Variants in DLC1 observed in about 807,000 individuals in gnomAD.
DLC1 encodes DLC1 Rho GTPase activating protein, also known as rho GTPase-activating protein 7.
Under a neutral mutation model 140.3 loss-of-function variants are expected in DLC1, and 54 were observed. That is an observed-to-expected ratio of 0.38 (90% confidence interval 0.31 to 0.48). The LOEUF (loss-of-function observed/expected upper bound fraction) is 0.48. Ranked by LOEUF, DLC1 falls within the 20% of genes least tolerant of loss-of-function variation. The probability of loss-of-function intolerance (pLI) is 0.96; values close to 1 mark genes in which losing one functional copy is unlikely to be tolerated. For synonymous variants in DLC1, 986 were observed against 728.1 expected (o/e 1.35, Z -5.70); for missense variants, 2,536 against 1,907.0 (o/e 1.33, Z -6.14).
intron 5 of DLC1, among the ~76,000 whole-genome samples, chr8:13,206,036 T>C: frequency 6.6e-6 from 1 of 152,108 alleles, no homozygotes; most frequent in East Asian, 1.9e-4. Context: ...AGAGGAAAAA[T>C]GTGCCTTGAG....
At chr8:13,560,358 C>T (rs1804195993) in intron 1 of DLC1, among the ~76,000 whole-genome samples, 1 of 152,120 alleles carries the variant, frequency 6.6e-6, no homozygotes, top group African/African-American at 2.4e-5. Context: ...GAGATGTGAG[C>T]AGTCACTCTA....
At chr8:13,193,364 C>T (rs1465851843) in intron 5 of DLC1, among the ~76,000 whole-genome samples, 2 of 152,052 alleles carry the variant, frequency 1.3e-5, no homozygotes, top group African/African-American at 4.8e-5. Flanking sequence ...AGAAGAGACC[C>T]ATTTAGGGCT....
intron 1 of DLC1, among the ~76,000 whole-genome samples, chr8:13,500,991 T>C (rs1801785858): frequency 6.6e-6 from 1 of 152,178 alleles, no homozygotes; most frequent in Non-Finnish European, 1.5e-5. Flanking sequence ...CAGACTGAGA[T>C]AGTCAACAAA....
intron 5 of DLC1, among the ~76,000 whole-genome samples, chr8:13,295,993 C>G: frequency 1.0e-5 from 1 of 98,156 alleles, no homozygotes; most frequent in Non-Finnish European, 1.9e-5. Context: ...CATTCTATTG[C>G]CCAGGCTGGA....
intron 4 of DLC1, among the ~76,000 whole-genome samples, chr8:13,335,028 C>T (rs9643939): frequency 0.15 from 22,740 of 152,122 alleles, 2,093 homozygotes; most frequent in East Asian, 0.4. Flanking sequence ...TGTCACTGTG[C>T]TAAGCCAAGG....
chr8:13,179,562 A>C (rs1165001883), intron 5 of DLC1, among the ~76,000 whole-genome samples: 2 of 151,942 alleles, frequency 1.3e-5, no homozygotes, highest in African/African-American at 2.4e-5. Flanking sequence ...CTCAACAAAA[A>C]ATATAGAAAT....
chr8:13,475,744 T>C (rs1225038361), intron 2 of DLC1, among the ~76,000 whole-genome samples: 1 of 152,148 alleles, frequency 6.6e-6, no homozygotes. Context: ...CTGAGGTACA[T>C]GAGGCTAAAA....
chr8:13,498,684 A>G (rs915300336), intron 2 of DLC1, among the ~76,000 whole-genome samples: 3 of 152,214 alleles, frequency 2.0e-5, no homozygotes, highest in African/African-American at 7.2e-5. Context: ...TAACAGTACC[A>G]TGACTTTCTT....
At chr8:13,102,948 G>A in intron 7 of DLC1, 95 bp from the exon 8 acceptor site, 2 of 1,096,204 alleles carry the variant, frequency 1.8e-6, no homozygotes, top group East Asian at 2.4e-5. Flanking sequence ...TATTTAAGGA[G>A]TTTCTTGAAA....
chr8:13,464,780 A>G (rs921418749), intron 2 of DLC1, among the ~76,000 whole-genome samples: 38 of 85,374 alleles, frequency 4.5e-4, no homozygotes, highest in African/African-American at 1.4e-3. Flanking sequence ...ATATATATAT[A>G]TATATATATA....
Position 13,175,419 on chromosome 8 carries a change from A to G in DLC1, c.1349-59762T>C, listed in dbSNP as rs180965266. Among the ~76,000 whole-genome samples the G allele has an allele frequency of 1.0e-3, 158 of 151,662 alleles. 2 individuals carry two copies. Among genetic ancestry groups the G allele is most frequent in the East Asian group, 5.1e-3 (26 of 5,146 alleles). On this transcript the variant is annotated intron_variant, in intron 5 of 17. Transcript: ENST00000276297. Reference sequence around the variant, plus strand: ...TGAAAAATGACATTTGTAGTTTGATAGAAATAGCACTGAATCTGAAAGTTC... The same window carrying G: ...TGAAAAATGACATTTGTAGTTTGATGGAAATAGCACTGAATCTGAAAGTTC...
intron 1 of DLC1, among the ~76,000 whole-genome samples, chr8:13,600,697 G>T (rs996589381): frequency 2.0e-5 from 3 of 151,798 alleles, no homozygotes; most frequent in African/African-American, 4.8e-5. Context: ...GGTATTTGAA[G>T]AATTAATTTT....
At chr8:13,589,769 A>AT (rs1563461170) in intron 1 of DLC1, among the ~76,000 whole-genome samples, 1 of 151,530 alleles carries the variant, frequency 6.6e-6, no homozygotes, top group Non-Finnish European at 1.5e-5. Context: ...GATTGTGTAA[A>AT]TTTTTTTAAT....
At chr8:13,413,255 G>GGTTTTTTTTTTTT (rs1461897724) in intron 2 of DLC1, among the ~76,000 whole-genome samples, 2 of 30,140 alleles carry the variant, frequency 6.6e-5, no homozygotes, top group Non-Finnish European at 8.7e-5. Context: ...ATTTTTTTGC[G>GGTTTTTTTTTTTT]ATTTTTTTTT....
At chr8:13,151,460 C>T (rs936043398) in intron 5 of DLC1, among the ~76,000 whole-genome samples, 18 of 152,170 alleles carry the variant, frequency 1.2e-4, no homozygotes, top group Non-Finnish European at 1.5e-5. Context: ...GAGACTCCAA[C>T]CCAGGGATTC....
chr8:13,229,760 C>T (rs2117193989), intron 5 of DLC1, among the ~76,000 whole-genome samples: 1 of 152,260 alleles, frequency 6.6e-6, no homozygotes, highest in East Asian at 1.9e-4. Context: ...CTAAGAAGTG[C>T]TCTACCTCTA....
chr8:13,271,179 C>T (rs143400373), intron 5 of DLC1, among the ~76,000 whole-genome samples: 110 of 152,294 alleles, frequency 7.2e-4, no homozygotes, highest in African/African-American at 2.5e-3. Context: ...GCTTCCCTAA[C>T]GGTTGTCTGT....
At chr8:13,584,431 T>G (rs1488641482) in intron 1 of DLC1, 1 of 152,608 alleles carries the variant, frequency 6.6e-6, no homozygotes, top group Non-Finnish European at 1.5e-5. Context: ...ATGGCAGTGT[T>G]GATCATTTCT....
At chr8:13,235,383 G>C (rs1361231441) in intron 5 of DLC1, among the ~76,000 whole-genome samples, 1 of 152,038 alleles carries the variant, frequency 6.6e-6, no homozygotes, top group Non-Finnish European at 1.5e-5. Context: ...GGAAAATGTG[G>C]AGGGAATGGA....
Sources: allele counts gnomAD v4.1 joint callset (sites outside exome capture counted in the v4.1 genomes callset), GRCh38; gene constraint gnomAD v4.1.1; transcripts MANE v1.5; gene names NCBI Gene and HGNC (gene_info 2026-07-23, HGNC 2026-07-21).